HS3ST4: variants seen among roughly 807,000 people sequenced by gnomAD.
HS3ST4 encodes heparan sulfate glucosamine 3-O-sulfotransferase 4.
Under a neutral mutation model 29.2 loss-of-function variants are expected in HS3ST4, and 17 were observed. The ratio of observed to expected loss-of-function variants is 0.58; its 90% CI spans 0.40 to 0.87. The LOEUF (loss-of-function observed/expected upper bound fraction) is 0.87, where lower values mean the gene tolerates loss of function less well. Ranked by LOEUF, HS3ST4 falls within the 40% of genes least tolerant of loss-of-function variation. HS3ST4 has a pLI of 0.00. For synonymous variants in HS3ST4, 314 were observed against 285.7 expected (o/e 1.10, Z -1.00); for missense variants, 627 against 634.5 (o/e 0.99, Z 0.13).
chr16:26,104,119 A>G (rs1488128445), intron 1 of HS3ST4, among the ~76,000 whole-genome samples: 1 of 152,192 alleles, frequency 6.6e-6, no homozygotes, highest in Non-Finnish European at 1.5e-5. Flanking sequence ...GCTGGTTAAG[A>G]GAAGTGGGTT....
At chr16:25,823,922 GA>G (rs1419980244) in intron 1 of HS3ST4, among the ~76,000 whole-genome samples, 1 of 152,150 alleles carries the variant, frequency 6.6e-6, no homozygotes, top group Non-Finnish European at 1.5e-5. Context: ...ACTTAAATCA[GA>G]AAGTAATAAA....
At chr16:25,846,343 G>T (rs1274495910) in intron 1 of HS3ST4, among the ~76,000 whole-genome samples, 1 of 152,084 alleles carries the variant, frequency 6.6e-6, no homozygotes, top group Non-Finnish European at 1.5e-5. Flanking sequence ...TTTGTAACCT[G>T]GGCGACACAG....
At chr16:26,108,005 A>G (rs1899079436) in intron 1 of HS3ST4, among the ~76,000 whole-genome samples, 1 of 152,274 alleles carries the variant, frequency 6.6e-6, no homozygotes, top group East Asian at 1.9e-4. Context: ...TATGGAAAAT[A>G]GAGGTTTTCT....
intron 1 of HS3ST4, among the ~76,000 whole-genome samples, chr16:26,002,723 G>A (rs1211011195): frequency 6.8e-6 from 1 of 146,958 alleles, no homozygotes; most frequent in African/African-American, 2.5e-5. Context: ...AAGGAAGGGA[G>A]GGAGGGAGGG....
At chr16:25,746,553 TG>T (rs1378935736) in intron 1 of HS3ST4, among the ~76,000 whole-genome samples, 41 of 140,528 alleles carry the variant, frequency 2.9e-4, no homozygotes, top group African/African-American at 9.9e-4. Context: ...CACAATTGGT[TG>T]GTTTTTTTTT....
At chr16:25,723,191 C>T (rs1046668307) in intron 1 of HS3ST4, among the ~76,000 whole-genome samples, 12 of 152,248 alleles carry the variant, frequency 7.9e-5, no homozygotes, top group East Asian at 7.7e-4. Context: ...GGTAGTGACA[C>T]GGCTAAACCA....
chr16:26,032,737 G>A (rs1048595466), intron 1 of HS3ST4: 12 of 1,088,814 alleles, frequency 1.1e-5, no homozygotes, highest in Admixed American at 1.7e-5. Flanking sequence ...ACAACCTCGC[G>A]GATCTTCTCT....
intron 1 of HS3ST4, among the ~76,000 whole-genome samples, chr16:25,957,566 G>A (rs1410943781): frequency 6.6e-6 from 1 of 152,068 alleles, no homozygotes; most frequent in Non-Finnish European, 1.5e-5. Flanking sequence ...TATAGGCATA[G>A]GCCACCACTC....
At chr16:25,727,504 A>G (rs564231642) in intron 1 of HS3ST4, among the ~76,000 whole-genome samples, 1 of 152,366 alleles carries the variant, frequency 6.6e-6, no homozygotes, top group South Asian at 2.1e-4. Flanking sequence ...AGAAAAATAT[A>G]TCCATCAGGG....
At chr16:25,826,092 G>A (rs907287953) in intron 1 of HS3ST4, 4 of 152,202 alleles carry the variant, frequency 2.6e-5, no homozygotes, top group Non-Finnish European at 5.9e-5. Flanking sequence ...AACTTGAGGT[G>A]AACTTATTCT....
At chr16:25,751,320 C>T (rs1249377195) in intron 1 of HS3ST4, among the ~76,000 whole-genome samples, 3 of 152,108 alleles carry the variant, frequency 2.0e-5, no homozygotes, top group African/African-American at 7.2e-5. Flanking sequence ...TGGCGTCATT[C>T]AGTTTCCCTC....
intron 1 of HS3ST4, among the ~76,000 whole-genome samples, chr16:26,049,583 T>C (rs913893555): frequency 1.3e-5 from 2 of 152,022 alleles, no homozygotes; most frequent in Admixed American, 1.3e-4. Flanking sequence ...TGACCCCACG[T>C]GTGGATTTTC....
chr16:26,001,715 A>C (rs1367053140), intron 1 of HS3ST4, among the ~76,000 whole-genome samples: 1 of 152,154 alleles, frequency 6.6e-6, no homozygotes, highest in Non-Finnish European at 1.5e-5. Flanking sequence ...AGGAAAGTTG[A>C]GAAAGGGTTT....
intron 1 of HS3ST4, among the ~76,000 whole-genome samples, chr16:25,783,836 G>A (rs1966854847): frequency 1.3e-5 from 2 of 152,178 alleles, no homozygotes; most frequent in African/African-American, 2.4e-5. Flanking sequence ...TTTCTTAAAC[G>A]CTTTAAGTTA....
chr16:25,812,198 A>G (rs1411752240), intron 1 of HS3ST4, among the ~76,000 whole-genome samples: 1 of 152,178 alleles, frequency 6.6e-6, no homozygotes, highest in Non-Finnish European at 1.5e-5. Context: ...TGCTCTGAGG[A>G]TCACACTTTG....
At chr16:26,003,943 T>G (rs534954192) in intron 1 of HS3ST4, among the ~76,000 whole-genome samples, 73 of 152,154 alleles carry the variant, frequency 4.8e-4, no homozygotes, top group Non-Finnish European at 9.7e-4. Context: ...GCATTCCTCA[T>G]TTTGGTGTCC....
At chr16:25,812,701 T>TC (rs1967053036) in intron 1 of HS3ST4, among the ~76,000 whole-genome samples, 1 of 84,800 alleles carries the variant, frequency 1.2e-5, no homozygotes, top group African/African-American at 5.8e-5. Flanking sequence ...GCAAAGTACT[T>TC]CCTTTTTTTT....
chr16:25,840,736 C>G (rs546510585), intron 1 of HS3ST4, among the ~76,000 whole-genome samples: 2 of 152,232 alleles, frequency 1.3e-5, no homozygotes, highest in South Asian at 4.1e-4. Context: ...AGAATTTAAT[C>G]ACCTACAGAA....
At chr16:25,775,059 G>A (rs754963481) in intron 1 of HS3ST4, among the ~76,000 whole-genome samples, 3 of 152,148 alleles carry the variant, frequency 2.0e-5, no homozygotes, top group Admixed American at 6.5e-5. Flanking sequence ...AGTCGCTGTC[G>A]CACCCACCAC....
Sources: gnomAD v4.1 joint callset for allele counts (sites outside exome capture counted in the v4.1 genomes callset) on GRCh38, gnomAD v4.1.1 for gene constraint, MANE v1.5 for transcripts, NCBI Gene and HGNC (gene_info 2026-07-23, HGNC 2026-07-21) for gene names.